The following PARD3B variants were observed in gnomAD, a reference collection of about 807,000 sequenced individuals.
PARD3B encodes par-3 family cell polarity regulator beta.
Under a neutral mutation model 130.2 loss-of-function variants are expected in PARD3B, and 103 were observed. That is an observed-to-expected ratio of 0.79 (90% CI 0.67 to 0.93). The LOEUF (loss-of-function observed/expected upper bound fraction) is 0.93. Ranked by LOEUF, PARD3B falls within the 40% of genes least tolerant of loss-of-function variation. PARD3B has a pLI of 0.00. For synonymous variants in PARD3B, 583 were observed against 553.2 expected (o/e 1.05, Z -0.76); for missense variants, 1,609 against 1,499.2 (o/e 1.07, Z -1.21).
chr2:204,648,619 C>T (rs1490198977), intron 1 of PARD3B, among the ~76,000 whole-genome samples: 1 of 111,546 alleles, frequency 9.0e-6, no homozygotes, highest in Non-Finnish European at 1.7e-5. Flanking sequence ...TTTATATATA[C>T]TATAATTTAT....
intron 21 of PARD3B, among the ~76,000 whole-genome samples, chr2:205,551,019 G>A (rs2052622330): frequency 6.9e-6 from 1 of 144,362 alleles, no homozygotes; most frequent in African/African-American, 2.6e-5. Context: ...TGTTCCTCGA[G>A]GCACCAGAAC....
At chr2:204,656,401 G>A (rs915377389) in intron 1 of PARD3B, among the ~76,000 whole-genome samples, 1 of 152,172 alleles carries the variant, frequency 6.6e-6, no homozygotes, top group African/African-American at 2.4e-5. Context: ...TGTATGGGCA[G>A]TATGAGCAAC....
At chr2:205,200,228 T>G (rs962421440) in intron 15 of PARD3B, among the ~76,000 whole-genome samples, 1 of 152,200 alleles carries the variant, frequency 6.6e-6, no homozygotes, top group Non-Finnish European at 1.5e-5. Context: ...ATTGTCACCT[T>G]GGAGAAAATT....
intron 15 of PARD3B, among the ~76,000 whole-genome samples, chr2:205,205,774 C>T (rs542512929): frequency 1.3e-5 from 2 of 152,288 alleles, no homozygotes; most frequent in South Asian, 4.1e-4. Flanking sequence ...GTTGAACCAG[C>T]CTTGCATCCC....
intron 4 of PARD3B, among the ~76,000 whole-genome samples, chr2:205,059,794 G>A (rs970268652): frequency 6.6e-6 from 1 of 152,004 alleles, no homozygotes; most frequent in East Asian, 1.9e-4. Context: ...CTTTAATAGC[G>A]TTAATTTACA....
In PARD3B at chr2:205,183,931, G is replaced by A. The variant is rs760209589; in HGVS notation, c.1925-1833G>A. On this transcript the variant is annotated intron_variant, in intron 13 of 22. Coordinates refer to ENST00000406610, the MANE Select transcript of PARD3B (RefSeq NM_001302769.2). This position sits in a 1 kb window ranked among gnomAD's most constrained non-coding sequence, Gnocchi z 5.2. ...CAGAAAAGCTGGTGGCGTGGTTTCA[G>A]TCTGAAGACAAACGGGCTTGAGACT... Among the ~76,000 whole-genome samples, 3 of 152,138 alleles carry A rather than the reference G, an allele frequency of 2.0e-5. No individual in the cohort carries two copies. Among genetic ancestry groups the A allele is most frequent in the Non-Finnish European group, 4.4e-5 (3 of 68,028 alleles).
At chr2:204,663,170 C>T (rs1222359432) in intron 1 of PARD3B, among the ~76,000 whole-genome samples, 3 of 152,184 alleles carry the variant, frequency 2.0e-5, no homozygotes, top group African/African-American at 4.8e-5. Context: ...CTGTTTTCCC[C>T]AGGCTGGCCC....
intron 22 of PARD3B, among the ~76,000 whole-genome samples, chr2:205,581,248 A>ATAGATATATT (rs1449653912): frequency 1.6e-5 from 2 of 121,870 alleles, no homozygotes; most frequent in African/African-American, 6.3e-5. Flanking sequence ...ATAGATATAT[A>ATAGATATATT]TAGATATATA....
At chr2:204,955,761 AT>A (rs958892692) in intron 2 of PARD3B, among the ~76,000 whole-genome samples, 1 of 152,186 alleles carries the variant, frequency 6.6e-6, no homozygotes, top group African/African-American at 2.4e-5. Context: ...CTATATAAGT[AT>A]TTGATAAATA....
intron 21 of PARD3B, among the ~76,000 whole-genome samples, chr2:205,539,751 C>T (rs1559194582): frequency 1.3e-5 from 2 of 152,284 alleles, no homozygotes; most frequent in Non-Finnish European, 1.5e-5. Flanking sequence ...GAACCCCACC[C>T]CTCCCCCAGG....
intron 11 of PARD3B, 140 bp from the exon 12 acceptor site, chr2:205,172,071 A>G (rs968970759): frequency 2.1e-5 from 16 of 770,270 alleles, no homozygotes; most frequent in Middle Eastern, 3.3e-4. Context: ...TTTTTCTGCC[A>G]TGGAAAATAA....
rs947631183 is a variant in PARD3B, at chr2:204,956,951, T to C, written c.223-8201T>C. On this transcript the variant is annotated intron_variant, in intron 2 of 22. Coordinates refer to ENST00000406610, the MANE Select transcript of PARD3B (RefSeq NM_001302769.2). ...AGGAGAAGGGCTTCATGGATGCCACTTGACCTCCATGGCACCCTTTGCCCT... is the reference window on the plus strand; with the variant it reads ...AGGAGAAGGGCTTCATGGATGCCACCTGACCTCCATGGCACCCTTTGCCCT... 4.6e-4 allele frequency among the ~76,000 whole-genome samples: 70 copies of C among 152,176 alleles called. 5 individuals carry two copies. Among genetic ancestry groups the C allele is most frequent in the Admixed American group, 6.5e-5 (1 of 15,268 alleles).
At chr2:204,582,373 G>C (rs2032604485) in intron 1 of PARD3B, among the ~76,000 whole-genome samples, 1 of 152,140 alleles carries the variant, frequency 6.6e-6, no homozygotes, top group South Asian at 2.1e-4. Flanking sequence ...GAGAGAATTT[G>C]CCTGGCACTG....
At position 204,545,700 on chromosome 2, in the gene PARD3B, C is replaced by T. The variant is rs2029878592; in HGVS notation, c.-300C>T. On this transcript the variant is annotated 5_prime_UTR_variant, in exon 1 of 23. Transcript: ENST00000406610. ...GCGCGGAGCAGCCGCCTGGGCCGGG[C>T]AGGAGTAGGAGCGGGAGGAGGAGGA... 3 of 268,924 alleles carry T rather than the reference C, an allele frequency of 1.1e-5. No homozygotes were observed. Among genetic ancestry groups the T allele is most frequent in the East Asian group, 1.7e-4 (2 of 11,710 alleles). The allele number at this position is 268,924 out of a possible 1,614,324, so 16.7% of individuals were successfully genotyped here.
Position 205,500,023 on chromosome 2 carries a change from C to G in PARD3B, c.3172C>G (p.Leu1058Val). ...AAGAGCAAGGCCATCTGAGTATGACCTACTCTGGGTAAGCGCATGCATGAT... is the reference window on the plus strand; with the variant it reads ...AAGAGCAAGGCCATCTGAGTATGACGTACTCTGGGTAAGCGCATGCATGAT... Reference protein sequence around the residue: ...EGRARPSEYDLLWVPGRGPDG... With the variant: ...EGRARPSEYDVLWVPGRGPDG... Residue 1058 changes from leucine to valine, a missense_variant, in exon 21 of 23, where the codon CTA becomes GTA. By Grantham distance (32) the Leu-to-Val change is conservative. Coordinates refer to ENST00000406610, the MANE Select transcript of PARD3B (RefSeq NM_001302769.2). 6.2e-7 allele frequency: 1 copy of G among 1,613,546 alleles called. No homozygotes were observed. Among genetic ancestry groups the G allele is most frequent in the Non-Finnish European group, 8.5e-7 (1 of 1,179,658 alleles).
At chr2:205,475,977 C>T (rs2049008465) in intron 20 of PARD3B, among the ~76,000 whole-genome samples, 1 of 152,252 alleles carries the variant, frequency 6.6e-6, no homozygotes, top group East Asian at 1.9e-4. Flanking sequence ...TGTTTTATTG[C>T]TGTTAATTTT....
chr2:204,749,040 C>A (rs1161902623), intron 2 of PARD3B, among the ~76,000 whole-genome samples: 1 of 152,018 alleles, frequency 6.6e-6, no homozygotes, highest in Non-Finnish European at 1.5e-5. Flanking sequence ...TAACCTGTCT[C>A]AAATTCATAA....
At chr2:205,224,554 C>T (rs2038438879) in intron 15 of PARD3B, among the ~76,000 whole-genome samples, 1 of 146,682 alleles carries the variant, frequency 6.8e-6, no homozygotes, top group African/African-American at 2.5e-5. Context: ...CCCCCGCCCC[C>T]AACCCCCCAG....
chr2:205,350,810 T>G (rs2043969815), intron 18 of PARD3B, among the ~76,000 whole-genome samples: 1 of 152,184 alleles, frequency 6.6e-6, no homozygotes, highest in South Asian at 2.1e-4. Flanking sequence ...AGGATCAAGA[T>G]CTCTACCTTG....
Sources: gnomAD v4.1 joint callset for allele counts (sites outside exome capture counted in the v4.1 genomes callset) on GRCh38, gnomAD v4.1.1 for gene constraint, Gnocchi (gnomAD v3.1) non-coding constraint, MANE v1.5 for transcripts, NCBI Gene and HGNC (gene_info 2026-07-23, HGNC 2026-07-21) for gene names.